The following USP47 variants were observed in gnomAD, a reference collection of about 807,000 sequenced individuals.
The protein encoded by USP47 is ubiquitin carboxyl-terminal hydrolase 47.
In USP47, 35 loss-of-function variants were observed where a neutral mutation model predicts 165.1. The observed-to-expected ratio is 0.21, with a 90% confidence interval of 0.16 to 0.28. USP47 has a LOEUF of 0.28. Among genes scored for constraint, USP47 ranks in the 10% least tolerant of loss-of-function variants. The probability of loss-of-function intolerance (pLI) is 1.00; values close to 1 mark genes in which losing one functional copy is unlikely to be tolerated. For synonymous variants in USP47, 531 were observed against 544.5 expected, an observed-to-expected ratio of 0.98 and a Z score of 0.35; for missense variants, 1,277 against 1,607.4, an observed-to-expected ratio of 0.79 and a Z score of 3.52.
chr11:11,938,691 A>G (rs779447830), intron 18 of USP47, among the ~76,000 whole-genome samples: 4 of 152,040 alleles, frequency 2.6e-5, no homozygotes, highest in African/African-American at 4.8e-5. Context: ...GGCGTAGGCA[A>G]TAAGTCGAGT....
chr11:11,875,107 A>G (rs899738232), intron 1 of USP47, among the ~76,000 whole-genome samples: 6 of 150,952 alleles, frequency 4.0e-5, no homozygotes, highest in South Asian at 2.1e-4. Flanking sequence ...CCATAATACT[A>G]TTATTTGCAA....
intron 11 of USP47, 117 bp from the exon 12 acceptor site, chr11:11,929,317 T>C: frequency 7.1e-7 from 1 of 1,400,326 alleles, no homozygotes; most frequent in East Asian, 2.4e-5. Context: ...AGTTGACCTG[T>C]AATATATAGG....
Position 11,938,315 on chromosome 11 carries a change from A to G in USP47, c.2136A>G (p.Ile712Met), listed in dbSNP as rs779021624. The change falls in exon 18 of 28, where the codon ATA becomes ATG. Residue 712 changes from isoleucine (I) to methionine (M), a missense_variant. This residue lies in a region of USP47 where 909 missense variants were observed against 1,068.1 expected (regional missense o/e 0.85). Transcript: ENST00000527733. ...DLKAESVAAP[I>M]TVRAYLNQTV... Reference sequence around the variant, plus strand: ...AGGCAGAATCTGTAGCTGCTCCTATAACTGTTCGTGCTTACTTAAATCAGA... The same window carrying G: ...AGGCAGAATCTGTAGCTGCTCCTATGACTGTTCGTGCTTACTTAAATCAGA... 6.2e-7 allele frequency: 1 copy of G among 1,612,286 alleles called. No homozygotes were observed. The highest frequency in any genetic ancestry group is 1.3e-5 in the African/African-American group (1 of 74,938).
At chr11:11,909,443 A>G (rs1405539631) in intron 8 of USP47, among the ~76,000 whole-genome samples, 1 of 152,204 alleles carries the variant, frequency 6.6e-6, no homozygotes, top group Non-Finnish European at 1.5e-5. Context: ...AATTAGAAAT[A>G]TTAACTTTTT....
intron 2 of USP47, among the ~76,000 whole-genome samples, chr11:11,883,335 G>T (rs1013528059): frequency 6.6e-6 from 1 of 152,124 alleles, no homozygotes; most frequent in African/African-American, 2.4e-5. Context: ...TCTAAGCTCT[G>T]TACAAATGTA....
In USP47 at chr11:11,956,127, A is replaced by G. The variant is rs201382903; in HGVS notation, c.4020A>G (p.Leu1340=). The change falls in exon 28 of 28, where the codon CTA becomes CTG. Residue 1340 remains leucine, a synonymous_variant. Coordinates refer to ENST00000527733, the MANE Select transcript of USP47 (RefSeq NM_001282659.2). ...ACTCACCTCGTAAAGAGAAAGCACT[A>G]AAAATATATCTGGATGGAGCACCAA... The part of the protein sequence containing the change: ...VTYSPRKEKA[L]KIYLDGAPNK... The G allele has an allele frequency of 1.8e-4, 293 of 1,613,940 alleles. 2 individuals are homozygous for G. Among genetic ancestry groups the G allele is most frequent in the Non-Finnish European group, 3.4e-5 (40 of 1,179,974 alleles).
In USP47 at chr11:11,956,036, A is replaced by C; in HGVS notation, c.3929A>C (p.Glu1310Ala). The change falls in exon 28 of 28, where the codon GAG becomes GCG. Residue 1310 changes from glutamate (E) to alanine (A), a missense_variant. Glu to Ala is a moderately radical substitution (Grantham distance 107). This residue lies in a region of USP47 where 909 missense variants were observed against 1,068.1 expected (regional missense o/e 0.85). Coordinates refer to ENST00000527733, the MANE Select transcript of USP47 (RefSeq NM_001282659.2). ...GAAGAATTAATGGAATTGACAGATG[A>C]GCAAAGAAATGAACTGATGAAAAAA... ...KTEELMELTDEQRNELMKKES... is the reference protein window; with the variant it reads ...KTEELMELTDAQRNELMKKES... The C allele has an allele frequency of 6.3e-7, 1 of 1,589,554 alleles. No homozygotes were observed. Among genetic ancestry groups the C allele is most frequent in the Non-Finnish European group, 8.5e-7 (1 of 1,172,126 alleles).
At chr11:11,854,336 A>G (rs1200565859) in intron 1 of USP47, among the ~76,000 whole-genome samples, 1 of 147,040 alleles carries the variant, frequency 6.8e-6, no homozygotes, top group Non-Finnish European at 1.5e-5. Flanking sequence ...TCAGGACACT[A>G]CAGCTGGAGT....
At chr11:11,948,686 G>C (rs1430270292) in intron 22 of USP47, 128 bp downstream of exon 22, 2 of 736,850 alleles carry the variant, frequency 2.7e-6, no homozygotes, top group Non-Finnish European at 4.5e-6. Flanking sequence ...GGGCCTTGCA[G>C]TTTAGCAGGC....
chr11:11,931,711 A>G (rs1383542875), intron 14 of USP47, among the ~76,000 whole-genome samples: 2 of 152,174 alleles, frequency 1.3e-5, no homozygotes, highest in South Asian at 4.1e-4. Context: ...CCTAGAAACA[A>G]CAGCTTTTAC....
chr11:11,888,923 T>TC (rs995787101), intron 3 of USP47, among the ~76,000 whole-genome samples: 1 of 152,012 alleles, frequency 6.6e-6, no homozygotes, highest in African/African-American at 2.4e-5. Context: ...ATGCGATTCA[T>TC]CCCATAAACA....
intron 4 of USP47, among the ~76,000 whole-genome samples, chr11:11,892,683 G>A (rs943023374): frequency 5.9e-5 from 9 of 151,570 alleles, no homozygotes; most frequent in Middle Eastern, 3.4e-3. Flanking sequence ...GGGCATGGTC[G>A]CTGTTGCTTG....
Position 11,880,144 on chromosome 11 carries a change from A to G in USP47, c.40-33A>G, listed in dbSNP as rs145050228. 1,935 of 1,385,108 alleles carry G rather than the reference A, an allele frequency of 1.4e-3. 28 individuals are homozygous for G. The African/African-American group carries it at 0.026, about 19-fold the overall frequency. 85.8% of individuals were successfully genotyped at this position (1,385,108 alleles called of 1,614,324 possible). On this transcript the variant is annotated intron_variant, in intron 1 of 27. Coordinates refer to ENST00000527733, the MANE Select transcript of USP47 (RefSeq NM_001282659.2). ...ATACTTTTGTTTTGCTTTAAAGATA[A>G]TATATAAAGTCATATTTTTCTTAAA... is the stretch of plus-strand genomic sequence containing the variant.
Position 11,922,641 on chromosome 11 carries a change from T to A in USP47, c.1219-83T>A, listed in dbSNP as rs551925633. 2.6e-5 allele frequency: 26 copies of A among 1,013,252 alleles called. No homozygotes were observed. In the African/African-American group the frequency reaches 3.8e-4, roughly 15 times the overall value. The allele number at this position is 1,013,252 out of a possible 1,614,324, so 62.8% of individuals were successfully genotyped here. On this transcript the variant is annotated intron_variant, in intron 10 of 27. Transcript: ENST00000527733. ...TAATATGTTAAATTGTGTGAAAATA[T>A]TAGCAGTATATAGGTACAAAGTTTT...
chr11:11,927,519 C>G (rs1291063028), intron 11 of USP47, among the ~76,000 whole-genome samples: 2 of 152,118 alleles, frequency 1.3e-5, no homozygotes, highest in Non-Finnish European at 2.9e-5. Flanking sequence ...AAAATACTCA[C>G]TCTTTGACCC....
In USP47 at chr11:11,960,192, T is replaced by A. The variant is rs1293788559; in HGVS notation, c.*4017T>A. ...CTGAACCTCCATAGTGCCTCCAAGATGTGCTGTCCCTGCCAACTCCTGCAC... is the reference window on the plus strand; with the variant it reads ...CTGAACCTCCATAGTGCCTCCAAGAAGTGCTGTCCCTGCCAACTCCTGCAC... On this transcript the variant is annotated 3_prime_UTR_variant, in exon 28 of 28. Coordinates refer to ENST00000527733, the MANE Select transcript of USP47 (RefSeq NM_001282659.2). Among the ~76,000 whole-genome samples the A allele has an allele frequency of 1.3e-5, 2 of 152,184 alleles. No homozygotes were observed. Among genetic ancestry groups the A allele is most frequent in the Non-Finnish European group, 2.9e-5 (2 of 68,024 alleles).
intron 1 of USP47, among the ~76,000 whole-genome samples, chr11:11,848,042 T>C (rs1848521967): frequency 6.6e-6 from 1 of 152,274 alleles, no homozygotes; most frequent in South Asian, 2.1e-4. Context: ...CATAGCTATT[T>C]GATTCTAAAT....
intron 1 of USP47, among the ~76,000 whole-genome samples, chr11:11,844,122 T>G (rs997682052): frequency 1.1e-4 from 16 of 152,200 alleles, no homozygotes; most frequent in Non-Finnish European, 2.9e-5. Flanking sequence ...ACTGGAAACT[T>G]TTTCTGAAAA....
At chr11:11,909,022 A>T (rs1324337836) in intron 8 of USP47, among the ~76,000 whole-genome samples, 2 of 152,052 alleles carry the variant, frequency 1.3e-5, no homozygotes, top group African/African-American at 4.8e-5. Context: ...AATGTGTTTA[A>T]CCTAGCATTT....
Sources: allele counts gnomAD v4.1 joint callset (sites outside exome capture counted in the v4.1 genomes callset), GRCh38; gene constraint gnomAD v4.1.1; regional missense constraint gnomAD v4.1.1; transcripts MANE v1.5; gene names NCBI Gene and HGNC (gene_info 2026-07-23, HGNC 2026-07-21).